NTRK3: variants seen among roughly 807,000 people sequenced by gnomAD.
NTRK3 encodes the protein neurotrophic receptor tyrosine kinase 3, also known as NT-3 growth factor receptor.
NTRK3 carries 24 observed loss-of-function variants against 91.7 expected under a neutral mutation model. The ratio of observed to expected loss-of-function variants is 0.26; its 90% confidence interval spans 0.19 to 0.37. NTRK3 has a LOEUF of 0.37. Among genes scored for constraint, NTRK3 ranks in the 10% least tolerant of loss-of-function variants. NTRK3 has a pLI of 1.00. For missense variants in NTRK3, 880 were observed against 1,068.9 expected (o/e 0.82, Z 2.46); for synonymous variants, 483 against 404.0 (o/e 1.20, Z -2.34).
At chr15:87,865,580 C>A (rs951513167) in exon 19 of NTRK3, 8 of 216,818 alleles carry the variant, frequency 3.7e-5, no homozygotes, top group Non-Finnish European at 4.6e-5. Context: ...ACTTAAAAAT[C>A]ATTATCCCTT....
At chr15:88,198,261 C>T (rs566057434) in intron 3 of NTRK3, among the ~76,000 whole-genome samples, 3 of 152,206 alleles carry the variant, frequency 2.0e-5, no homozygotes, top group South Asian at 2.1e-4. Context: ...CCATCCTTAC[C>T]CACTGCTTCC....
intron 3 of NTRK3, among the ~76,000 whole-genome samples, chr15:88,225,869 C>T (rs986154427): frequency 2.6e-5 from 4 of 152,140 alleles, no homozygotes; most frequent in Non-Finnish European, 5.9e-5. Context: ...TCCTGGGGGT[C>T]CGATAGGCTG....
At chr15:88,131,139 A>T (rs2041295326) in intron 10 of NTRK3, among the ~76,000 whole-genome samples, 1 of 152,222 alleles carries the variant, frequency 6.6e-6, no homozygotes. Flanking sequence ...AAGATTTTGC[A>T]TTTCTAACAA....
intron 13 of NTRK3, among the ~76,000 whole-genome samples, chr15:88,126,045 A>T (rs957355595): frequency 1.3e-5 from 2 of 152,162 alleles, no homozygotes; most frequent in African/African-American, 4.8e-5. Context: ...TCAGCAGTCA[A>T]AGCAAAACCA....
chr15:88,133,085 G>A (rs138561516), intron 10 of NTRK3, among the ~76,000 whole-genome samples: 24 of 152,222 alleles, frequency 1.6e-4, no homozygotes, highest in African/African-American at 2.9e-4. Context: ...TGTGAGTGGC[G>A]CTTGAGAACT....
At chr15:87,909,404 A>G (rs886559009) in intron 17 of NTRK3, among the ~76,000 whole-genome samples, 7 of 152,218 alleles carry the variant, frequency 4.6e-5, no homozygotes, top group African/African-American at 1.7e-4. Flanking sequence ...AGTCAGAGGC[A>G]GAGAAGCAGC....
chr15:88,163,897 C>A (rs1187093965), intron 5 of NTRK3, among the ~76,000 whole-genome samples: 1 of 152,130 alleles, frequency 6.6e-6, no homozygotes. Flanking sequence ...TACTATATGC[C>A]GTGCATCTAG....
At chr15:87,976,975 C>A (rs2073778197) in intron 14 of NTRK3, among the ~76,000 whole-genome samples, 1 of 124,508 alleles carries the variant, frequency 8.0e-6, no homozygotes, top group Non-Finnish European at 1.8e-5. Context: ...TTTCTGTGAG[C>A]CTTGGCTGCT....
rs527728114 is a variant in NTRK3 at position 87,938,371 on chromosome 15, G to A, written c.1716+2252C>T. Among the ~76,000 whole-genome samples, 11 of 152,272 alleles carry A rather than the reference G, an allele frequency of 7.2e-5. No individual in the cohort carries two copies. In the South Asian group the frequency reaches 1.5e-3, roughly 20 times the overall value. The stretch of plus-strand genomic sequence containing the variant: ...ATCAACATGAGAACTAACTCAAAAG[G>A]AAGGGTCTTGCAAAAAGAAGTGGAA... On this transcript the variant is annotated intron_variant, in intron 15 of 18. Transcript: ENST00000394480.
rs532257542 is a variant in NTRK3, at chr15:88,015,623, C to T, written c.1585+17234G>A. 2.0e-5 allele frequency among the ~76,000 whole-genome samples: 3 copies of T among 152,260 alleles called. No homozygotes were observed. The South Asian group carries it at 6.2e-4, about 32-fold the overall frequency. ...TCTCTGTGGCAGGCATCTCATTATGCTCATATCTCCAGAACTGTTTCCTGG... is the reference window on the plus strand; with the variant it reads ...TCTCTGTGGCAGGCATCTCATTATGTTCATATCTCCAGAACTGTTTCCTGG... On this transcript the variant is annotated intron_variant, in intron 14 of 18. Transcript: ENST00000394480.
intron 5 of NTRK3, among the ~76,000 whole-genome samples, chr15:88,154,741 G>T (rs1306968197): frequency 1.3e-5 from 2 of 152,138 alleles, no homozygotes; most frequent in Non-Finnish European, 2.9e-5. Context: ...GGAATCTGAG[G>T]TCTGCAATAT....
In NTRK3 at chr15:87,991,405, C is replaced by T. The variant is rs116979110; in HGVS notation, c.1585+41452G>A. Among the ~76,000 whole-genome samples, 113 of 152,298 alleles carry T rather than the reference C, an allele frequency of 7.4e-4. No homozygotes were observed. The East Asian group carries it at 0.019, about 25-fold the overall frequency. ...GCAGAGTAAAATGTGGGAAATGCTG[C>T]TCTAGCCGTCTGCTCCTCTCTCCAT... On this transcript the variant is annotated intron_variant, in intron 14 of 18. Coordinates refer to ENST00000394480, the Ensembl canonical transcript of NTRK3.
chr15:88,017,349 G>A (rs1247439014), intron 14 of NTRK3, among the ~76,000 whole-genome samples: 1 of 152,208 alleles, frequency 6.6e-6, no homozygotes, highest in African/African-American at 2.4e-5. Flanking sequence ...GATGCAGAAG[G>A]AAAAGACGGC....
rs571435498 is a variant in NTRK3, at chr15:87,911,290, G to A, written c.2133+17901C>T. 9.9e-5 allele frequency among the ~76,000 whole-genome samples: 15 copies of A among 152,234 alleles called. No individual in the cohort carries two copies. In the East Asian group the frequency reaches 1.4e-3, roughly 14 times the overall value. On this transcript the variant is annotated intron_variant, in intron 17 of 18. Transcript: ENST00000394480. ...ATATACTTGACACAGTTCCTTGCAC[G>A]TACATAATTATGAGTCCTTAAATTG...
At chr15:87,902,381 T>G (rs1210337314) in intron 17 of NTRK3, among the ~76,000 whole-genome samples, 1 of 152,230 alleles carries the variant, frequency 6.6e-6, no homozygotes, top group Non-Finnish European at 1.5e-5. Flanking sequence ...TCCCAGATAA[T>G]GTGTTCAACT....
Position 88,127,310 on chromosome 15 carries a change from C to A in NTRK3, c.1229-84G>T, listed in dbSNP as rs911376496. 1.8e-5 allele frequency: 21 copies of A among 1,137,616 alleles called. No homozygotes were observed. The African/African-American group carries it at 2.7e-4, about 15-fold the overall frequency. 70.5% of individuals were successfully genotyped at this position (1,137,616 alleles called of 1,614,324 possible). On this transcript the variant is annotated intron_variant, in intron 11 of 18. Coordinates refer to ENST00000394480, the Ensembl canonical transcript of NTRK3. The stretch of plus-strand genomic sequence containing the variant: ...CCACAGTCCCTGCCCAACTCCCAAG[C>A]TCCCTTGAGACTTCCCCCTGCAGAA...
At chr15:87,919,174 G>A (rs2067670263) in intron 17 of NTRK3, among the ~76,000 whole-genome samples, 1 of 152,166 alleles carries the variant, frequency 6.6e-6, no homozygotes, top group Admixed American at 6.5e-5. Flanking sequence ...CTCAGGTCCT[G>A]GGCAAGAAAG....
intron 14 of NTRK3, among the ~76,000 whole-genome samples, chr15:88,031,630 C>G (rs1246197889): frequency 6.6e-6 from 1 of 152,148 alleles, no homozygotes; most frequent in Non-Finnish European, 1.5e-5. Context: ...CTGGAGAACA[C>G]CCAAGGTTAG....
intron 14 of NTRK3, among the ~76,000 whole-genome samples, chr15:87,986,752 G>A (rs1204373769): frequency 2.0e-5 from 3 of 152,166 alleles, no homozygotes; most frequent in African/African-American, 7.2e-5. Context: ...ACACATATCT[G>A]TATGCACATG....
Sources: gnomAD v4.1 joint callset for allele counts (sites outside exome capture counted in the v4.1 genomes callset) on GRCh38, gnomAD v4.1.1 for gene constraint, MANE v1.5 for transcripts, NCBI Gene and HGNC (gene_info 2026-07-23, HGNC 2026-07-21) for gene names.